Variants in LRGUK observed in about 807,000 individuals in gnomAD.
The protein encoded by LRGUK is leucine rich repeats and guanylate kinase domain containing, also known as leucine-rich repeat and guanylate kinase domain-containing protein.
A neutral mutation model predicts 76.0 loss-of-function variants in LRGUK; 65 were observed. That is an observed-to-expected ratio of 0.85 (90% CI 0.70 to 1.05). The LOEUF is 1.05. Ranked by LOEUF, LRGUK falls within the 50% of genes least tolerant of loss-of-function variation. The probability of loss-of-function intolerance (pLI) is 0.00; values close to 1 mark genes in which losing one functional copy is unlikely to be tolerated. For synonymous variants in LRGUK, 268 were observed against 265.6 expected, an observed-to-expected ratio of 1.01 and a Z score of -0.09; for missense variants, 758 against 732.8, an observed-to-expected ratio of 1.03 and a Z score of -0.40.
exon 1 of LRGUK, chr7:134,127,642 A>C: frequency 6.2e-7 from 1 of 1,613,720 alleles, no homozygotes. Context: ...GAGTCCTCAG[A>C]GTCCGAAATG....
chr7:134,157,999 A>G, intron 5 of LRGUK, 36 bp from the exon 6 acceptor site: 1 of 1,579,526 alleles, frequency 6.3e-7, no homozygotes. Flanking sequence ...AAATGCTTTT[A>G]ATAACATTTT....
chr7:134,139,948 T>C (rs969081544), intron 3 of LRGUK, among the ~76,000 whole-genome samples: 9 of 152,190 alleles, frequency 5.9e-5, no homozygotes, highest in African/African-American at 2.2e-4. Flanking sequence ...TTCTGCATTT[T>C]GAAAATCTTA....
intron 4 of LRGUK, among the ~76,000 whole-genome samples, chr7:134,147,937 C>T (rs192810834): frequency 6.6e-6 from 1 of 151,796 alleles, no homozygotes; most frequent in East Asian, 1.9e-4. Flanking sequence ...TGGTGGGCAC[C>T]TATAATCCCA....
At chr7:134,247,336 ATATAT>A (rs1345717761) in intron 16 of LRGUK, among the ~76,000 whole-genome samples, 1 of 152,172 alleles carries the variant, frequency 6.6e-6, no homozygotes, top group South Asian at 2.1e-4. Flanking sequence ...AATAGAGTTT[ATATAT>A]TATATTACAG....
intron 1 of LRGUK, among the ~76,000 whole-genome samples, chr7:134,132,727 G>C (rs781341006): frequency 1.4e-3 from 214 of 152,128 alleles, no homozygotes; most frequent in Non-Finnish European, 2.5e-3. Context: ...CAGACAAAAG[G>C]GGGCAAAAAT....
At chr7:134,223,690 G>T (rs550390764) in intron 16 of LRGUK, among the ~76,000 whole-genome samples, 119 of 152,296 alleles carry the variant, frequency 7.8e-4, no homozygotes, top group African/African-American at 2.8e-3. Context: ...GGTTGACATG[G>T]AGATGCTTTT....
At chr7:134,209,045 C>G (rs1018868653) in exon 16 of LRGUK, 4 of 399,192 alleles carry the variant, frequency 1.0e-5, no homozygotes, top group Non-Finnish European at 1.8e-5. Context: ...AGATCTTCCC[C>G]TAAAACAAAT....
chr7:134,272,235 G>A, the LRGUK span, among the ~76,000 whole-genome samples: 3 of 152,082 alleles, frequency 2.0e-5, no homozygotes, highest in African/African-American at 7.2e-5. Flanking sequence ...ATAAGAGGGT[G>A]TTTTCTTTGT....
intron 15 of LRGUK, among the ~76,000 whole-genome samples, chr7:134,218,518 A>G (rs918694761): frequency 6.6e-6 from 1 of 152,232 alleles, no homozygotes; most frequent in Admixed American, 6.5e-5. Flanking sequence ...TCATTAAAAT[A>G]GAGATTTTTG....
chr7:134,261,077 TC>T (rs1376128555), intron 19 of LRGUK, among the ~76,000 whole-genome samples: 2 of 152,166 alleles, frequency 1.3e-5, no homozygotes, highest in African/African-American at 2.4e-5. Flanking sequence ...GTTCCAGAGT[TC>T]CTATAAAGTT....
At chr7:134,172,747 C>T (rs923857583) in intron 7 of LRGUK, among the ~76,000 whole-genome samples, 5 of 151,992 alleles carry the variant, frequency 3.3e-5, no homozygotes, top group Non-Finnish European at 5.9e-5. Context: ...AATGGGAAGT[C>T]GAGGTGGGTG....
intron 10 of LRGUK, 37 bp from the exon 11 acceptor site, chr7:134,183,697 C>G: frequency 6.2e-7 from 1 of 1,611,748 alleles, no homozygotes; most frequent in Admixed American, 1.7e-5. Flanking sequence ...GTCTCCCTGA[C>G]TGCAATAGGA....
intron 18 of LRGUK, among the ~76,000 whole-genome samples, chr7:134,252,261 A>C (rs1802466228): frequency 2.0e-5 from 3 of 151,954 alleles, no homozygotes; most frequent in Non-Finnish European, 4.4e-5. Context: ...TGGCTTGAAC[A>C]CAAGAGGTTA....
chr7:134,164,688 G>A (rs982485329), intron 7 of LRGUK, among the ~76,000 whole-genome samples: 8 of 152,178 alleles, frequency 5.3e-5, no homozygotes, highest in Admixed American at 5.2e-4. Context: ...AAGTGAGCTG[G>A]GGTGTTGTGG....
intron 5 of LRGUK, among the ~76,000 whole-genome samples, chr7:134,150,784 A>G (rs1316738089): frequency 6.6e-6 from 1 of 152,198 alleles, no homozygotes; most frequent in African/African-American, 2.4e-5. Context: ...CTAAAGTATC[A>G]TGACTTTGTA....
chr7:134,197,970 C>T (rs762445609), intron 13 of LRGUK, among the ~76,000 whole-genome samples: 2 of 151,994 alleles, frequency 1.3e-5, no homozygotes, highest in Non-Finnish European at 2.9e-5. Flanking sequence ...GAAAACAAAA[C>T]CTAGGCAAAT....
At chr7:134,242,959 A>T (rs1802202162) in intron 16 of LRGUK, among the ~76,000 whole-genome samples, 2 of 152,180 alleles carry the variant, frequency 1.3e-5, no homozygotes, top group South Asian at 4.1e-4. Flanking sequence ...AAACCACATG[A>T]TTATCTCAAT....
At chr7:134,158,939 C>T (rs771026020) in intron 6 of LRGUK, among the ~76,000 whole-genome samples, 3 of 152,160 alleles carry the variant, frequency 2.0e-5, no homozygotes, top group Non-Finnish European at 4.4e-5. Flanking sequence ...TTCTTCATTA[C>T]ATCTATCATG....
At chr7:134,135,999 A>G (rs143192467) in intron 1 of LRGUK, among the ~76,000 whole-genome samples, 27 of 152,344 alleles carry the variant, frequency 1.8e-4, no homozygotes, top group African/African-American at 5.5e-4. Flanking sequence ...GTATGTCATC[A>G]GTACCTACAG....
Sources: allele counts gnomAD v4.1 joint callset (sites outside exome capture counted in the v4.1 genomes callset), GRCh38; gene constraint gnomAD v4.1.1; transcripts MANE v1.5; gene names NCBI Gene and HGNC (gene_info 2026-07-23, HGNC 2026-07-21).